The following TJP1 variants were observed in gnomAD, a reference collection of about 807,000 sequenced individuals.
TJP1 encodes the protein tight junction protein ZO-1.
In TJP1, 43 loss-of-function variants were observed where a neutral mutation model predicts 194.2. The observed-to-expected ratio is 0.22, with a 90% CI of 0.17 to 0.29. The LOEUF (loss-of-function observed/expected upper bound fraction) is 0.29. Ranked by LOEUF, TJP1 falls within the 10% of genes least tolerant of loss-of-function variation. The pLI, the probability that TJP1 is intolerant of heterozygous loss-of-function variation, is 1.00. For missense variants in TJP1, 1,971 were observed against 2,185.7 expected, an observed-to-expected ratio of 0.90 and a Z score of 1.96; for synonymous variants, 801 against 779.0, an observed-to-expected ratio of 1.03 and a Z score of -0.47.
intron 8 of TJP1, among the ~76,000 whole-genome samples, chr15:29,748,313 C>T (rs1469206351): frequency 6.6e-6 from 1 of 152,186 alleles, no homozygotes; most frequent in Admixed American, 6.5e-5. Context: ...GGACTGGCCA[C>T]ATTTCAAATG....
At chr15:29,949,247 A>T (rs1380090389) in intron 2 of TJP1, among the ~76,000 whole-genome samples, 7,305 of 65,946 alleles carry the variant, frequency 0.11, 1,386 homozygotes, top group East Asian at 0.23. Flanking sequence ...CTCCACCTTC[A>T]CCACCACCTC....
At chr15:29,799,499 C>G (rs1378963336) in intron 2 of TJP1, among the ~76,000 whole-genome samples, 1 of 151,740 alleles carries the variant, frequency 6.6e-6, no homozygotes, top group Non-Finnish European at 1.5e-5. Context: ...ACTGCAAGCT[C>G]TGCCTCCTGG....
chr15:29,906,248 G>C (rs916289388), intron 2 of TJP1, among the ~76,000 whole-genome samples: 9 of 152,090 alleles, frequency 5.9e-5, no homozygotes, highest in Non-Finnish European at 1.2e-4. Flanking sequence ...CGAGGTGGGT[G>C]GATCACTTGA....
At chr15:29,938,144 T>C (rs993575655) in intron 2 of TJP1, among the ~76,000 whole-genome samples, 1 of 152,236 alleles carries the variant, frequency 6.6e-6, no homozygotes, top group African/African-American at 2.4e-5. Context: ...AGCAGTAACA[T>C]GAATGTATTG....
intron 2 of TJP1, among the ~76,000 whole-genome samples, chr15:29,795,645 AAAGG>A (rs1472534353): frequency 1.3e-5 from 2 of 152,138 alleles, no homozygotes; most frequent in East Asian, 1.9e-4. Context: ...AGAAACCACA[AAAGG>A]AAGGAACACG....
chr15:29,745,166 GTGAAATGC>G (rs931364793), intron 8 of TJP1, among the ~76,000 whole-genome samples: 1 of 151,898 alleles, frequency 6.6e-6, no homozygotes, highest in African/African-American at 2.4e-5. Context: ...CTATCAAATA[GTGAAATGC>G]TGAATGTATT....
intron 2 of TJP1, among the ~76,000 whole-genome samples, chr15:29,837,496 T>G (rs748679494): frequency 6.6e-6 from 1 of 152,118 alleles, no homozygotes; most frequent in Admixed American, 6.6e-5. Flanking sequence ...AGGCGGAGGT[T>G]GTGGTGAGCC....
chr15:29,723,273 GC>G (rs766972967), intron 18 of TJP1, among the ~76,000 whole-genome samples: 9 of 152,144 alleles, frequency 5.9e-5, no homozygotes, highest in Non-Finnish European at 1.2e-4. Flanking sequence ...TTGGAGTGGG[GC>G]CTGGTAGGAG....
chr15:29,761,090 A>G (rs766028563), intron 8 of TJP1, 49 bp downstream of exon 8: 3 of 1,519,490 alleles, frequency 2.0e-6, no homozygotes, highest in Admixed American at 2.3e-5. Context: ...AGATACTGGT[A>G]TCAAGCAAAC....
chr15:29,846,016 C>A (rs1043620261), intron 2 of TJP1, among the ~76,000 whole-genome samples: 4 of 152,018 alleles, frequency 2.6e-5, no homozygotes, highest in African/African-American at 9.7e-5. Flanking sequence ...TCTCCATCAT[C>A]CCAAACTGCC....
intron 2 of TJP1, among the ~76,000 whole-genome samples, chr15:29,915,913 T>C (rs1201014628): frequency 3.9e-5 from 6 of 152,232 alleles, no homozygotes; most frequent in Admixed American, 3.3e-4. Flanking sequence ...GAATAATTAC[T>C]TTATTCATGT....
chr15:29,950,119 AACCACCACCTCCACC>A (rs2055652850), intron 2 of TJP1, among the ~76,000 whole-genome samples: 1 of 4,238 alleles, frequency 2.4e-4, no homozygotes, highest in Non-Finnish European at 4.3e-4. Context: ...CCACCTCCAC[AACCACCACCTCCACC>A]ACCACCACAA....
intron 8 of TJP1, chr15:29,759,202 A>G (rs2045841458): frequency 1.3e-5 from 2 of 152,174 alleles, no homozygotes; most frequent in African/African-American, 2.4e-5. Flanking sequence ...CCTTCTTTCC[A>G]AACTGTTTCT....
At chr15:29,784,724 T>C (rs1449376689) in intron 2 of TJP1, among the ~76,000 whole-genome samples, 1 of 152,146 alleles carries the variant, frequency 6.6e-6, no homozygotes, top group Non-Finnish European at 1.5e-5. Flanking sequence ...TCTAATAATA[T>C]TCTGACAATC....
At chr15:29,876,158 T>C (rs770673818) in intron 2 of TJP1, among the ~76,000 whole-genome samples, 8 of 152,214 alleles carry the variant, frequency 5.3e-5, no homozygotes, top group Non-Finnish European at 1.2e-4. Context: ...TTGTCTAACC[T>C]GCCCCACATG....
chr15:29,701,567 C>CA lies in TJP1; in HGVS notation c.*27dup. 6.4e-7 allele frequency: 1 copy of CA among 1,559,650 alleles called. No homozygotes were observed. Among genetic ancestry groups the CA allele is most frequent in the Non-Finnish European group, 8.8e-7 (1 of 1,131,260 alleles). On this transcript the variant is annotated 3_prime_UTR_variant, in exon 28 of 28. Transcript: ENST00000614355. The stretch of plus-strand genomic sequence containing the variant: ...TTAGATTAAGTTTAATCCAGTTTCA[C>CA]ATTATTTAAGTTCCTATATTTCAAG...
Position 29,864,237 on chromosome 15 carries a change from CAAAAAAA to C in TJP1, c.307-63542_307-63536del, listed in dbSNP as rs397975539. Among the ~76,000 whole-genome samples the C allele has an allele frequency of 2.4e-3, 46 of 18,942 alleles. 1 individual carries two copies. The highest frequency in any genetic ancestry group is 7.6e-3 in the South Asian group (2 of 264). The allele number at this position is 18,942 out of a possible 152,430, so 12.4% of individuals were successfully genotyped here. On this transcript the variant is annotated intron_variant, in intron 2 of 28. Coordinates refer to the TJP1 transcript ENST00000356107. ...TGAAACCCCGTCTCTACTAAAAATA[CAAAAAAA>C]AAAAAAAAAAAAAAAAAAAAGCTGG...
At chr15:29,789,478 G>GT (rs2047932240) in intron 2 of TJP1, among the ~76,000 whole-genome samples, 1 of 152,086 alleles carries the variant, frequency 6.6e-6, no homozygotes, top group Admixed American at 6.6e-5. Flanking sequence ...GCCCACAAGA[G>GT]TACAACAGTG....
chr15:29,705,857 GTTACT>G (rs2041864997), intron 25 of TJP1, 112 bp from the exon 26 acceptor site: 1 of 874,734 alleles, frequency 1.1e-6, no homozygotes, highest in African/African-American at 1.7e-5. Context: ...TAATCAAGAA[GTTACT>G]TTAACAAGAT....
Sources: allele counts gnomAD v4.1 joint callset (sites outside exome capture counted in the v4.1 genomes callset), GRCh38; gene constraint gnomAD v4.1.1; transcripts MANE v1.5; gene names NCBI Gene and HGNC (gene_info 2026-07-23, HGNC 2026-07-21).